EEF1AKMT1: variants seen among roughly 807,000 people sequenced by gnomAD.
The protein encoded by EEF1AKMT1 is EEF1A lysine methyltransferase 1, also known as N-6 adenine-specific DNA methyltransferase 2 (putative).
In EEF1AKMT1, 18 loss-of-function variants were observed where a neutral mutation model predicts 21.0. The observed-to-expected ratio is 0.86, with a 90% CI of 0.59 to 1.27. The LOEUF (loss-of-function observed/expected upper bound fraction) is 1.27. Ranked by LOEUF, EEF1AKMT1 falls within the 50% of genes most tolerant of loss-of-function variation. The pLI, the probability that EEF1AKMT1 is intolerant of heterozygous loss-of-function variation, is 0.00. For missense variants in EEF1AKMT1, 246 were observed against 258.6 expected (o/e 0.95, Z 0.33); for synonymous variants, 109 against 94.8 (o/e 1.15, Z -0.87).
chr13:20,755,858 G>T (rs1409260309), intron 2 of EEF1AKMT1, among the ~76,000 whole-genome samples: 2 of 151,654 alleles, frequency 1.3e-5, no homozygotes. Flanking sequence ...TTCATAATTA[G>T]AAAAAAAGTA....
At position 20,731,806 on chromosome 13, in the gene EEF1AKMT1, A is replaced by G. The variant is rs765110309; in HGVS notation, c.508+35T>C. 7 of 1,582,934 alleles carry G rather than the reference A, an allele frequency of 4.4e-6. No homozygotes were observed. The African/African-American group carries it at 8.1e-5, about 18-fold the overall frequency. Reference sequence around the variant, plus strand: ...CCTGAAGACCTGAATAGCCACTGTCAGTGACTTTGATGAGATATGAAATGC... The same window carrying G: ...CCTGAAGACCTGAATAGCCACTGTCGGTGACTTTGATGAGATATGAAATGC... On this transcript the variant is annotated intron_variant, in intron 4 of 4. Transcript: ENST00000382758.
chr13:20,735,082 G>A (rs2058818853), intron 3 of EEF1AKMT1, among the ~76,000 whole-genome samples: 1 of 152,116 alleles, frequency 6.6e-6, no homozygotes, highest in Non-Finnish European at 1.5e-5. Context: ...CTGAGCAAGC[G>A]GAACAGCAGA....
intron 1 of EEF1AKMT1, among the ~76,000 whole-genome samples, chr13:20,758,348 T>C (rs954762194): frequency 3.3e-5 from 5 of 152,222 alleles, no homozygotes; most frequent in African/African-American, 7.2e-5. Context: ...TTTTTGAATC[T>C]ACCTATGACC....
At position 20,757,390 on chromosome 13, in the gene EEF1AKMT1, G is replaced by A; in HGVS notation, c.144+65C>T. On this transcript the variant is annotated intron_variant, in intron 2 of 4. Transcript: ENST00000382758. ...GTTTTAGGTGAGACAGACAAACACT[G>A]GACTAATGCACAGAGTAGGTTCCAC... The A allele has an allele frequency of 3.2e-6, 5 of 1,565,108 alleles. No homozygotes were observed. In the South Asian group the frequency reaches 4.7e-5, roughly 15 times the overall value.
At chr13:20,732,237 A>G in intron 3 of EEF1AKMT1, 116 bp from the exon 4 acceptor site, 1 of 1,137,808 alleles carries the variant, frequency 8.8e-7, no homozygotes, top group Non-Finnish European at 1.2e-6. Flanking sequence ...TACAGGAAAC[A>G]ATAATGCAAA....
chr13:20,732,155 C>G, intron 3 of EEF1AKMT1, 34 bp from the exon 4 acceptor site: 2 of 1,570,864 alleles, frequency 1.3e-6, no homozygotes. Context: ...ATGAAACATC[C>G]TTAACAGAGA....
At chr13:20,763,933 A>G (rs1277557702) in intron 1 of EEF1AKMT1, among the ~76,000 whole-genome samples, 1 of 151,694 alleles carries the variant, frequency 6.6e-6, no homozygotes, top group Non-Finnish European at 1.5e-5. Context: ...GTCCTCAATT[A>G]TTTCTAATGT....
chr13:20,773,671 A>G (rs1169455348), intron 1 of EEF1AKMT1, among the ~76,000 whole-genome samples: 1 of 152,248 alleles, frequency 6.6e-6, no homozygotes, highest in Admixed American at 6.5e-5. Flanking sequence ...TGCGCGGCAC[A>G]GGACGCGGCG....
At chr13:20,735,609 C>T (rs757877709) in intron 3 of EEF1AKMT1, among the ~76,000 whole-genome samples, 8 of 152,116 alleles carry the variant, frequency 5.3e-5, no homozygotes, top group Non-Finnish European at 1.0e-4. Flanking sequence ...CCTAGGAGAA[C>T]GGCTCATTCA....
intron 1 of EEF1AKMT1, among the ~76,000 whole-genome samples, chr13:20,773,349 A>C (rs1176535281): frequency 2.0e-5 from 3 of 152,096 alleles, no homozygotes; most frequent in Non-Finnish European, 4.4e-5. Flanking sequence ...TGCACCTCCG[A>C]AGCTACTGCC....
At chr13:20,745,268 T>A (rs1489473646) in intron 2 of EEF1AKMT1, among the ~76,000 whole-genome samples, 2 of 152,268 alleles carry the variant, frequency 1.3e-5, no homozygotes, top group African/African-American at 4.8e-5. Flanking sequence ...TAAATTACTT[T>A]GGGCAGTATG....
chr13:20,758,869 CACGT>C (rs2058984710), intron 1 of EEF1AKMT1, among the ~76,000 whole-genome samples: 1 of 152,084 alleles, frequency 6.6e-6, no homozygotes, highest in South Asian at 2.1e-4. Flanking sequence ...TAAAGCCACA[CACGT>C]ACAATCAACT....
At chr13:20,733,328 T>C (rs2058809029) in intron 3 of EEF1AKMT1, among the ~76,000 whole-genome samples, 2 of 152,246 alleles carry the variant, frequency 1.3e-5, no homozygotes, top group South Asian at 4.1e-4. Context: ...ACTCCTGACT[T>C]CATGATCCAC....
chr13:20,765,779 T>G (rs2059027667), intron 1 of EEF1AKMT1, among the ~76,000 whole-genome samples: 1 of 152,068 alleles, frequency 6.6e-6, no homozygotes. Flanking sequence ...TTTTTTTTTT[T>G]TAGAATTCTT....
chr13:20,729,233 A>G lies in EEF1AKMT1; in HGVS notation c.509-17T>C. On this transcript the variant is annotated splice_polypyrimidine_tract_variant and intron_variant, in intron 4 of 4. Transcript: ENST00000382758. ...TGATGGCACCTGAAGAGAACAAAGCAAATGAATCCAGAGAGTGACAACCCA... is the reference window on the plus strand; with the variant it reads ...TGATGGCACCTGAAGAGAACAAAGCGAATGAATCCAGAGAGTGACAACCCA... The G allele has an allele frequency of 2.5e-6, 4 of 1,614,080 alleles. No homozygotes were observed. Among genetic ancestry groups the G allele is most frequent in the Non-Finnish European group, 3.4e-6 (4 of 1,179,996 alleles).
chr13:20,757,537 T>TGGAGAGCTGCTAAGGCATGGGC lies in EEF1AKMT1; in HGVS notation c.40_61dup (p.Gln21ArgfsTer13). The TGGAGAGCTGCTAAGGCATGGGC allele has an allele frequency of 3.7e-6, 6 of 1,614,204 alleles. No homozygotes were observed. The highest frequency in any genetic ancestry group is 5.1e-6 in the Non-Finnish European group (6 of 1,180,006). ...TTGCTTTTGCTCAGCATAAAATTCC[T>TGGAGAGCTGCTAAGGCATGGGC]GGAGAGCTGCTAAGGCATGGGCAGA... On this transcript the variant is annotated frameshift_variant, in exon 2 of 5. Transcript: ENST00000382758.
At chr13:20,739,274 A>T (rs553010144) in intron 2 of EEF1AKMT1, among the ~76,000 whole-genome samples, 23 of 152,210 alleles carry the variant, frequency 1.5e-4, no homozygotes, top group African/African-American at 5.5e-4. Flanking sequence ...AGACCCAAAC[A>T]GTGAGCAGCA....
intron 1 of EEF1AKMT1, among the ~76,000 whole-genome samples, chr13:20,772,554 T>G (rs1343015087): frequency 6.6e-6 from 1 of 152,156 alleles, no homozygotes; most frequent in African/African-American, 2.4e-5. Context: ...GGCAGACACA[T>G]GGCGAACACC....
intron 2 of EEF1AKMT1, among the ~76,000 whole-genome samples, chr13:20,739,254 A>C (rs921954166): frequency 6.6e-5 from 10 of 152,198 alleles, no homozygotes; most frequent in Non-Finnish European, 1.5e-4. Context: ...ACAGCTCATA[A>C]AGGCAACGCA....
Sources: allele counts gnomAD v4.1 joint callset (sites outside exome capture counted in the v4.1 genomes callset), GRCh38; gene constraint gnomAD v4.1.1; transcripts MANE v1.5; gene names NCBI Gene and HGNC (gene_info 2026-07-23, HGNC 2026-07-21).